Variants in SPATA21 observed in about 807,000 individuals in gnomAD.
SPATA21 encodes the protein spermatogenesis associated 21.
A neutral mutation model predicts 54.8 loss-of-function variants in SPATA21; 47 were observed. The observed-to-expected ratio is 0.86, with a 90% CI of 0.68 to 1.09. The LOEUF is 1.09. Among genes scored for constraint, SPATA21 ranks in the 50% least tolerant of loss-of-function variants. SPATA21 has a pLI of 0.00. For synonymous variants in SPATA21, 245 were observed against 235.3 expected, an observed-to-expected ratio of 1.04 and a Z score of -0.38; for missense variants, 599 against 596.4, an observed-to-expected ratio of 1.00 and a Z score of -0.05.
At chr1:16,425,487 T>G in intron 3 of SPATA21, 1 of 1,541,436 alleles carries the variant, frequency 6.5e-7, no homozygotes, top group Non-Finnish European at 8.8e-7. Flanking sequence ...CTGTGGTAGG[T>G]CATTCCATAC....
chr1:16,424,262 G>C (rs1426059794), intron 3 of SPATA21, among the ~76,000 whole-genome samples: 3 of 23,088 alleles, frequency 1.3e-4, no homozygotes, highest in East Asian at 1.1e-3. Context: ...GCAGTGAGCC[G>C]AGATTGCGCC....
chr1:16,416,677 T>C (rs2086017021), intron 5 of SPATA21, among the ~76,000 whole-genome samples: 1 of 91,388 alleles, frequency 1.1e-5, no homozygotes, highest in Non-Finnish European at 2.4e-5. Flanking sequence ...AGAGACTCCA[T>C]CTCAAAAAAA....
At chr1:16,412,254 C>T (rs1176695364) in intron 5 of SPATA21, among the ~76,000 whole-genome samples, 1 of 152,074 alleles carries the variant, frequency 6.6e-6, no homozygotes, top group South Asian at 2.1e-4. Flanking sequence ...ATTTCTTTGT[C>T]CTTCCGAATA....
At position 16,409,018 on chromosome 1, in the gene SPATA21, A is replaced by G. The variant is rs1042129191; in HGVS notation, c.673+100T>C. 8.7e-6 allele frequency: 11 copies of G among 1,262,092 alleles called. No homozygotes were observed. The highest frequency in any genetic ancestry group is 1.9e-4 in the Middle Eastern group (1 of 5,314). The allele number at this position is 1,262,092 out of a possible 1,614,324, so 78.2% of individuals were successfully genotyped here. A position where few individuals can be genotyped will look rare whatever the true frequency, so the allele number is the denominator to read the frequency against. On this transcript the variant is annotated intron_variant, in intron 7 of 12. Coordinates refer to ENST00000335496, the MANE Select transcript of SPATA21 (RefSeq NM_198546.1). The surrounding 1 kb of genome is among the most constrained non-coding windows in gnomAD (Gnocchi z 4.1). The stretch of plus-strand genomic sequence containing the variant: ...GGGTCTGCTACACATGGCGGCAGCC[A>G]TGTGATCTGGAAAGCACCCCAGTCC...
At chr1:16,425,926 AT>A (rs2086306347) in intron 3 of SPATA21, among the ~76,000 whole-genome samples, 1 of 151,952 alleles carries the variant, frequency 6.6e-6, no homozygotes, top group African/African-American at 2.4e-5. Context: ...TTTCACAATT[AT>A]TTGTAGAGAC....
Position 16,421,269 on chromosome 1 carries a change from G to A in SPATA21, c.144+240C>T, listed in dbSNP as rs78510813. Among the ~76,000 whole-genome samples, 6,724 of 152,070 alleles carry A rather than the reference G, an allele frequency of 0.044. 472 individuals are homozygous for A. Among genetic ancestry groups the A allele is most frequent in the African/African-American group, 0.15 (6,249 of 41,430 alleles). On this transcript the variant is annotated intron_variant, in intron 5 of 12. Coordinates refer to ENST00000335496, the MANE Select transcript of SPATA21 (RefSeq NM_198546.1). This position sits in a 1 kb window ranked among gnomAD's most constrained non-coding sequence, Gnocchi z 5.2. ...GGGATGAACCCAAGGGCTCCAGAGT[G>A]TAAGAGCATTCTTGATGCCCACCCA...
chr1:16,404,975 TC>T lies in SPATA21; in HGVS notation c.802del (p.Asp268MetfsTer16), dbSNP rs757754233. The T allele has an allele frequency of 2.5e-6, 4 of 1,595,192 alleles. No individual in the cohort carries two copies. Among genetic ancestry groups the T allele is most frequent in the Non-Finnish European group, 3.4e-6 (4 of 1,174,320 alleles). ...AGCCCTCTGCCACTCACCATTGACATCAGCACTCATCAGGGCGTCCTCCACC... is the reference window on the plus strand; with the variant it reads ...AGCCCTCTGCCACTCACCATTGACATAGCACTCATCAGGGCGTCCTCCACC... ...AQVEDALMSA[D>X]VNGDGRVDFK... is the part of the protein sequence containing the mutation. On this transcript the variant is annotated frameshift_variant, in exon 8 of 13. Transcript: ENST00000335496. LOFTEE classifies it high-confidence loss of function.
At chr1:16,408,348 G>T in intron 7 of SPATA21, 1 of 427,568 alleles carries the variant, frequency 2.3e-6, no homozygotes, top group Non-Finnish European at 3.1e-6. Flanking sequence ...AGTGGGAATG[G>T]GGTACATGTT....
chr1:16,418,716 C>T lies in SPATA21; in HGVS notation c.144+2793G>A, dbSNP rs139670876. On this transcript the variant is annotated intron_variant, in intron 5 of 12. Coordinates refer to ENST00000335496, the MANE Select transcript of SPATA21 (RefSeq NM_198546.1). Reference sequence around the variant, plus strand: ...CAAAGTAGCTGGGACAACAGGTGCACGCCACCATGCCCCACTAATTTTTGT... The same window carrying T: ...CAAAGTAGCTGGGACAACAGGTGCATGCCACCATGCCCCACTAATTTTTGT... Among the ~76,000 whole-genome samples, 1,111 of 152,126 alleles carry T rather than the reference C, an allele frequency of 7.3e-3. 9 individuals carry two copies. Among genetic ancestry groups the T allele is most frequent in the African/African-American group, 0.025 (1,052 of 41,484 alleles).
At chr1:16,424,220 G>C (rs1553165980) in intron 3 of SPATA21, among the ~76,000 whole-genome samples, 4 of 112,476 alleles carry the variant, frequency 3.6e-5, no homozygotes, top group East Asian at 2.5e-4. Context: ...GGCTGAGGCA[G>C]GAGAATGGCA....
chr1:16,399,253 TAGAA>T, intron 12 of SPATA21, 87 bp downstream of exon 12: 1 of 1,406,184 alleles, frequency 7.1e-7, no homozygotes, highest in Non-Finnish European at 9.6e-7. Flanking sequence ...TATGATCTCT[TAGAA>T]AGATGGATTC....
At chr1:16,411,808 AC>A (rs386419506) in intron 5 of SPATA21, among the ~76,000 whole-genome samples, 35,199 of 81,178 alleles carry the variant, frequency 0.43, 6,030 homozygotes, top group East Asian at 0.79. Context: ...AAAAAAAAAA[AC>A]AAAACAAAAC....
At chr1:16,416,964 T>C (rs556489235) in intron 5 of SPATA21, among the ~76,000 whole-genome samples, 1 of 152,238 alleles carries the variant, frequency 6.6e-6, no homozygotes, top group African/African-American at 2.4e-5. Flanking sequence ...GCTTCTATTG[T>C]CCTTTGTTGC....
chr1:16,409,040 G>A lies in SPATA21; in HGVS notation c.673+78C>T. 6.7e-7 allele frequency: 1 copy of A among 1,495,310 alleles called. No individual in the cohort carries two copies. Among genetic ancestry groups the A allele is most frequent in the South Asian group, 1.1e-5 (1 of 88,174 alleles). 92.6% of individuals were successfully genotyped at this position (1,495,310 alleles called of 1,614,324 possible). On this transcript the variant is annotated intron_variant, in intron 7 of 12. Coordinates refer to ENST00000335496, the MANE Select transcript of SPATA21 (RefSeq NM_198546.1). The surrounding 1 kb of genome is among the most constrained non-coding windows in gnomAD (Gnocchi z 4.1). Reference sequence around the variant, plus strand: ...GCCATGTGATCTGGAAAGCACCCCAGTCCGCCCTGCGCCTATAAACCCCCA... The same window carrying A: ...GCCATGTGATCTGGAAAGCACCCCAATCCGCCCTGCGCCTATAAACCCCCA...
At chr1:16,400,272 C>G (rs1199840070) in intron 11 of SPATA21, among the ~76,000 whole-genome samples, 3 of 152,184 alleles carry the variant, frequency 2.0e-5, no homozygotes, top group Non-Finnish European at 4.4e-5. Flanking sequence ...CCACCTCGGC[C>G]TCCCAAAGTG....
intron 5 of SPATA21, among the ~76,000 whole-genome samples, chr1:16,416,957 TCTATTGTC>T (rs1258716147): frequency 1.5e-4 from 23 of 152,306 alleles, no homozygotes; most frequent in African/African-American, 5.5e-4. Flanking sequence ...ATCCTAGGCT[TCTATTGTC>T]CTTTGTTGCC....
In SPATA21 at chr1:16,426,578, TA is replaced by T. The variant is rs59187415; in HGVS notation, c.35-4608del. The stretch of plus-strand genomic sequence containing the variant: ...CCGGCTATATATATATATATATATA[TA>T]TTTTTTTTTTTTTTTTTTGAGACAG... On this transcript the variant is annotated intron_variant, in intron 3 of 12. Transcript: ENST00000335496. Among the ~76,000 whole-genome samples, 1,002 of 113,778 alleles carry T rather than the reference TA, an allele frequency of 8.8e-3. 17 individuals carry two copies. The highest frequency in any genetic ancestry group is 0.033 in the African/African-American group (864 of 26,246). The allele number at this position is 113,778 out of a possible 152,430, so 74.6% of individuals were successfully genotyped here.
intron 1 of SPATA21, among the ~76,000 whole-genome samples, chr1:16,436,122 C>T (rs1028827517): frequency 9.2e-5 from 14 of 151,926 alleles, no homozygotes; most frequent in African/African-American, 3.4e-4. Context: ...TGTGGTGGTG[C>T]GTGCCTGTAA....
chr1:16,431,139 T>G, intron 3 of SPATA21, 199 bp downstream of exon 3: 1 of 1,331,730 alleles, frequency 7.5e-7, no homozygotes, highest in Non-Finnish European at 1.0e-6. Flanking sequence ...TGTCCATTTT[T>G]AACAGAGTCT....
Sources: allele counts gnomAD v4.1 joint callset (sites outside exome capture counted in the v4.1 genomes callset), GRCh38; gene constraint gnomAD v4.1.1; non-coding constraint Gnocchi (gnomAD v3.1); transcripts MANE v1.5; gene names NCBI Gene and HGNC (gene_info 2026-07-23, HGNC 2026-07-21).